CATSPERB: variants seen among roughly 807,000 people sequenced by gnomAD.
The protein encoded by CATSPERB is catsper channel auxiliary subunit beta.
In CATSPERB, 93 loss-of-function variants were observed where a neutral mutation model predicts 128.3. The ratio of observed to expected loss-of-function variants is 0.72; its 90% confidence interval spans 0.61 to 0.86. The LOEUF (loss-of-function observed/expected upper bound fraction) is 0.86, where lower values mean the gene tolerates loss of function less well. Among genes scored for constraint, CATSPERB ranks in the 40% least tolerant of loss-of-function variants. The pLI is 0.00. For missense variants in CATSPERB, 1,153 were observed against 1,329.5 expected (o/e 0.87, Z 2.06); for synonymous variants, 381 against 448.8 (o/e 0.85, Z 1.91).
chr14:91,617,468 AC>A, intron 20 of CATSPERB, 128 bp downstream of exon 20: 1 of 584,556 alleles, frequency 1.7e-6, no homozygotes, highest in East Asian at 3.4e-5. Context: ...TATCCTTGTA[AC>A]CCTATACTCT....
At chr14:91,697,848 C>T (rs1014454563) in intron 7 of CATSPERB, among the ~76,000 whole-genome samples, 15 of 152,046 alleles carry the variant, frequency 9.9e-5, no homozygotes, top group South Asian at 2.1e-4. Flanking sequence ...CTTAGGATTG[C>T]TTTGGTTATT....
rs766093085 is a variant in CATSPERB at position 91,729,416 on chromosome 14, T to C, written c.64A>G (p.Ile22Val). ...TGAAACTTACCTTTATTATATACTA[T>C]TCCTGATGAAAATTCAAATATGTTC... is the stretch of plus-strand genomic sequence containing the variant. Reference protein sequence around the residue: ...LLNIFEFSSGIVYNKDDTEKR... With the variant: ...LLNIFEFSSGVVYNKDDTEKR... The change falls in exon 2 of 27, where the codon ATA becomes GTA. Residue 22 changes from isoleucine to valine, a missense_variant. Ile to Val is a conservative substitution (Grantham distance 29). Transcript: ENST00000256343. The C allele has an allele frequency of 1.1e-5, 17 of 1,480,272 alleles. No individual in the cohort carries two copies. Among genetic ancestry groups the C allele is most frequent in the Non-Finnish European group, 1.6e-5 (17 of 1,068,666 alleles). 91.7% of individuals were successfully genotyped at this position (1,480,272 alleles called of 1,614,324 possible).
chr14:91,714,555 C>CTTTTT (rs56965295), intron 5 of CATSPERB, among the ~76,000 whole-genome samples: 3 of 88,028 alleles, frequency 3.4e-5, no homozygotes, highest in African/African-American at 3.8e-5. Flanking sequence ...CCATAAACTA[C>CTTTTT]TTTTTTTTTT....
At chr14:91,651,564 A>G (rs1347096084) in intron 15 of CATSPERB, among the ~76,000 whole-genome samples, 1 of 152,226 alleles carries the variant, frequency 6.6e-6, no homozygotes, top group Non-Finnish European at 1.5e-5. Context: ...TCCCTAAGGC[A>G]TAGAATATAG....
rs763270336 is a variant in CATSPERB, at chr14:91,621,563, G to C, written c.2260+45C>G. The C allele has an allele frequency of 2.1e-6, 3 of 1,408,778 alleles. No individual in the cohort carries two copies. In the Admixed American group the frequency reaches 6.5e-5, roughly 31 times the overall value. The allele number at this position is 1,408,778 out of a possible 1,614,324, so 87.3% of individuals were successfully genotyped here. A position where few individuals can be genotyped will look rare whatever the true frequency, so the allele number is the denominator to read the frequency against. Reference sequence around the variant, plus strand: ...AGAGTATATTTCACATTCAAGAAAAGAAATAACATTTCCTTTTTATATTTT... The same window carrying C: ...AGAGTATATTTCACATTCAAGAAAACAAATAACATTTCCTTTTTATATTTT... On this transcript the variant is annotated intron_variant, in intron 19 of 26. Transcript: ENST00000256343.
chr14:91,707,886 C>T (rs1192226233), intron 6 of CATSPERB, among the ~76,000 whole-genome samples: 4 of 151,748 alleles, frequency 2.6e-5, no homozygotes, highest in Non-Finnish European at 4.4e-5. Flanking sequence ...AGATTACAGG[C>T]ATGAGCCACC....
At chr14:91,694,270 C>A (rs1374638699) in intron 7 of CATSPERB, among the ~76,000 whole-genome samples, 1 of 151,834 alleles carries the variant, frequency 6.6e-6, no homozygotes, top group East Asian at 1.9e-4. Flanking sequence ...CATGGTATAA[C>A]CCTGTCTCTA....
intron 11 of CATSPERB, 104 bp downstream of exon 11, chr14:91,683,773 A>C (rs1264551931): frequency 4.4e-6 from 3 of 683,658 alleles, no homozygotes; most frequent in African/African-American, 3.7e-5. Flanking sequence ...CCCAGCCTAA[A>C]GTTTGGAATG....
intron 23 of CATSPERB, among the ~76,000 whole-genome samples, chr14:91,590,498 T>A (rs113454918): frequency 3.8e-4 from 57 of 151,822 alleles, no homozygotes; most frequent in African/African-American, 1.3e-3. Flanking sequence ...GCCATTACAC[T>A]CCGACCTGGG....
At chr14:91,646,037 G>A (rs1894597268) in intron 15 of CATSPERB, 2 of 153,110 alleles carry the variant, frequency 1.3e-5, no homozygotes, top group South Asian at 2.0e-4. Context: ...GCGCTTCCCA[G>A]GTGAGGCAAT....
At position 91,589,583 on chromosome 14, in the gene CATSPERB, T is replaced by C. The variant is rs752674086; in HGVS notation, c.2907A>G (p.Pro969=). The change falls in exon 24 of 27, where the codon CCA becomes CCG. Residue 969 remains proline (P), a synonymous_variant. Coordinates refer to ENST00000256343, the MANE Select transcript of CATSPERB (RefSeq NM_024764.4). ...TCACTTCAGTCACAGTAACCAGATA[T>C]GGAGATTGCAATGGGACACGTCCAT... ...NEDGRVPLQS[P]YLVTVTEVNM... The C allele has an allele frequency of 2.5e-6, 4 of 1,613,922 alleles. No individual in the cohort carries two copies. The highest frequency in any genetic ancestry group is 3.4e-6 in the Non-Finnish European group (4 of 1,179,848).
At position 91,693,132 on chromosome 14, in the gene CATSPERB, G is replaced by C. The variant is rs1269832068; in HGVS notation, c.825C>G (p.Ser275Arg). 6.2e-7 allele frequency: 1 copy of C among 1,604,132 alleles called. No individual in the cohort carries two copies. Among genetic ancestry groups the C allele is most frequent in the East Asian group, 2.2e-5 (1 of 44,786 alleles). Residue 275 changes from serine to arginine, a missense_variant, in exon 9 of 27, where the codon AGC (serine) becomes AGG (arginine). By Grantham distance (110) the Ser-to-Arg change is moderately radical. Coordinates refer to ENST00000256343, the MANE Select transcript of CATSPERB (RefSeq NM_024764.4). The stretch of plus-strand genomic sequence containing the variant: ...TACAAAGCAATTTACATACCGATAA[G>C]CTGTGGCGTGATGGATAACGAAGAT... ...SEDLRYPSRH[S>R]LSFSRADFCG...
intron 21 of CATSPERB, among the ~76,000 whole-genome samples, chr14:91,609,460 G>C (rs890249894): frequency 2.0e-5 from 3 of 152,098 alleles, no homozygotes; most frequent in African/African-American, 7.2e-5. Flanking sequence ...ACCAGAAGGC[G>C]GCTACAAAAT....
At chr14:91,720,452 A>C (rs1268477660) in intron 4 of CATSPERB, among the ~76,000 whole-genome samples, 1 of 151,588 alleles carries the variant, frequency 6.6e-6, no homozygotes, top group Non-Finnish European at 1.5e-5. Flanking sequence ...GCAGTGAACA[A>C]TCTGAAAATG....
chr14:91,592,075 A>T, intron 22 of CATSPERB, 73 bp from the exon 23 acceptor site: 6 of 882,362 alleles, frequency 6.8e-6, no homozygotes, highest in Non-Finnish European at 1.1e-5. Context: ...TAAATATCTA[A>T]TAAATATTTA....
intron 1 of CATSPERB, among the ~76,000 whole-genome samples, chr14:91,730,832 A>G (rs1174833851): frequency 6.6e-6 from 1 of 152,228 alleles, no homozygotes; most frequent in Non-Finnish European, 1.5e-5. Context: ...GAAAGCTCAA[A>G]CAGTTTGATT....
intron 2 of CATSPERB, among the ~76,000 whole-genome samples, chr14:91,728,206 T>C (rs1008809573): frequency 1.3e-5 from 2 of 152,160 alleles, no homozygotes; most frequent in Admixed American, 1.3e-4. Context: ...TTCTGCCTCC[T>C]GGGGCTCAAG....
At chr14:91,670,078 C>CT (rs972571191) in intron 13 of CATSPERB, 106 bp from the exon 14 acceptor site, 2 of 956,882 alleles carry the variant, frequency 2.1e-6, no homozygotes, top group Non-Finnish European at 3.3e-6. Context: ...ATCACTAACA[C>CT]AACATAGAAC....
At chr14:91,635,727 A>C (rs1198275720) in intron 17 of CATSPERB, 1 of 152,170 alleles carries the variant, frequency 6.6e-6, no homozygotes, top group Admixed American at 6.5e-5. Flanking sequence ...CTCTTACTGT[A>C]AGCATTTCTG....
Sources: gnomAD v4.1 joint callset for allele counts (sites outside exome capture counted in the v4.1 genomes callset) on GRCh38, gnomAD v4.1.1 for gene constraint, MANE v1.5 for transcripts, NCBI Gene and HGNC (gene_info 2026-07-23, HGNC 2026-07-21) for gene names.